CCDC148: variants seen among roughly 807,000 people sequenced by gnomAD.
CCDC148 encodes coiled-coil domain-containing protein 148.
In CCDC148, 89 loss-of-function variants were observed where a neutral mutation model predicts 85.7. The observed-to-expected ratio is 1.04, with a 90% CI of 0.87 to 1.24. The LOEUF (loss-of-function observed/expected upper bound fraction) is 1.24. CCDC148 is among the 50% of genes most tolerant of loss of function. The probability of loss-of-function intolerance (pLI) is 0.00; values close to 1 mark genes in which losing one functional copy is unlikely to be tolerated. For missense variants in CCDC148, 692 were observed against 671.7 expected, an observed-to-expected ratio of 1.03 and a Z score of -0.33; for synonymous variants, 230 against 213.9, an observed-to-expected ratio of 1.08 and a Z score of -0.66.
At chr2:158,250,959 GTTAT>G (rs1021991015) in intron 9 of CCDC148, 47 bp from the exon 10 acceptor site, 2 of 1,537,464 alleles carry the variant, frequency 1.3e-6, no homozygotes, top group African/African-American at 2.8e-5. Context: ...GCACACTGAA[GTTAT>G]TTCATAGGTC....
intron 1 of CCDC148, among the ~76,000 whole-genome samples, chr2:158,375,151 A>G (rs189471550): frequency 2.1e-4 from 32 of 152,118 alleles, no homozygotes; most frequent in African/African-American, 7.5e-4. Flanking sequence ...ACTGGTGAGA[A>G]CCCCAGAGTC....
chr2:158,300,661 A>AG (rs1422382085), intron 9 of CCDC148, among the ~76,000 whole-genome samples: 1 of 152,210 alleles, frequency 6.6e-6, no homozygotes, highest in Non-Finnish European at 1.5e-5. Context: ...GCAGTGGCAG[A>AG]GGTAGAGTGA....
intron 1 of CCDC148, among the ~76,000 whole-genome samples, chr2:158,401,521 A>T (rs111938722): frequency 0.031 from 4,789 of 152,116 alleles, 109 homozygotes; most frequent in African/African-American, 0.059. Context: ...AGGGAGGGGA[A>T]CATCACACAC....
chr2:158,398,183 C>T (rs1261332644), intron 1 of CCDC148, among the ~76,000 whole-genome samples: 1 of 152,074 alleles, frequency 6.6e-6, no homozygotes, highest in African/African-American at 2.4e-5. Context: ...TAATGGGAGA[C>T]TTTAACACCC....
chr2:158,381,012 T>C (rs1166819798), intron 1 of CCDC148: 1 of 152,156 alleles, frequency 6.6e-6, no homozygotes, highest in Non-Finnish European at 1.5e-5. Context: ...AAAATGAGCA[T>C]TTTGGAAGAA....
At chr2:158,433,265 T>TATATATATATACAC (rs1243610866) in intron 1 of CCDC148, among the ~76,000 whole-genome samples, 1 of 123,692 alleles carries the variant, frequency 8.1e-6, no homozygotes, top group African/African-American at 2.7e-5. Flanking sequence ...GACTCAAATA[T>TATATATATATACAC]ATATATATAT....
chr2:158,219,271 GCT>G (rs1314428554), intron 11 of CCDC148, among the ~76,000 whole-genome samples: 1 of 152,166 alleles, frequency 6.6e-6, no homozygotes, highest in Admixed American at 6.5e-5. Context: ...TGAAATGAGA[GCT>G]CTCTCTTCTT....
rs879860248 is a variant in CCDC148 at position 158,370,857 on chromosome 2, T to TAA, written c.26-12289_26-12288dup. Among the ~76,000 whole-genome samples the TAA allele has an allele frequency of 1.4e-3, 190 of 135,180 alleles. 1 individual carries two copies. Among genetic ancestry groups the TAA allele is most frequent in the African/African-American group, 4.9e-3 (182 of 37,088 alleles). 88.7% of individuals were successfully genotyped at this position (135,180 alleles called of 152,430 possible). ...TAAGAAGTTTGTAGGACATAGACTGTAAAAAAAAAAAACTACCAAAGTTGA... is the reference window on the plus strand; with the variant it reads ...TAAGAAGTTTGTAGGACATAGACTGTAAAAAAAAAAAAAACTACCAAAGTTGA... On this transcript the variant is annotated intron_variant, in intron 1 of 13. Transcript: ENST00000283233.
intron 10 of CCDC148, among the ~76,000 whole-genome samples, chr2:158,246,844 G>A (rs530792508): frequency 3.9e-5 from 6 of 152,248 alleles, no homozygotes; most frequent in East Asian, 1.9e-4. Flanking sequence ...CTAGGCTCAC[G>A]GCATAGTGTC....
intron 8 of CCDC148, 133 bp downstream of exon 8, chr2:158,313,623 A>T: frequency 1.0e-6 from 1 of 955,348 alleles, no homozygotes; most frequent in Non-Finnish European, 1.5e-6. Flanking sequence ...CTATTATATA[A>T]CCCTATTATT....
chr2:158,229,429 A>G (rs937896263), intron 10 of CCDC148, among the ~76,000 whole-genome samples: 2 of 152,254 alleles, frequency 1.3e-5, no homozygotes, highest in Non-Finnish European at 2.9e-5. Context: ...GATTGATGAC[A>G]TAATTGTAGG....
At chr2:158,196,336 T>C (rs186013023) in intron 11 of CCDC148, among the ~76,000 whole-genome samples, 1 of 152,246 alleles carries the variant, frequency 6.6e-6, no homozygotes, top group East Asian at 1.9e-4. Flanking sequence ...CCCATCTCTG[T>C]GTTCAGTAAT....
intron 1 of CCDC148, among the ~76,000 whole-genome samples, chr2:158,370,484 G>T (rs1368299627): frequency 6.6e-6 from 1 of 151,830 alleles, no homozygotes; most frequent in Non-Finnish European, 1.5e-5. Flanking sequence ...TACTGACTAG[G>T]TATGTGATCT....
intron 1 of CCDC148, among the ~76,000 whole-genome samples, chr2:158,408,151 C>A (rs1686104568): frequency 6.6e-6 from 1 of 152,042 alleles, no homozygotes; most frequent in Non-Finnish European, 1.5e-5. Flanking sequence ...AAAACTAAAT[C>A]TTTTGATATA....
Position 158,340,611 on chromosome 2 carries a change from G to A in CCDC148, c.321C>T (p.Asp107=), listed in dbSNP as rs778298693. Residue 107 remains aspartate (D), a synonymous_variant, in exon 4 of 14, where the codon GAC becomes GAT. Transcript: ENST00000283233. ...AAAAAATCTTACCAAAATTTGTAAG[G>A]TCACAAAGACATTCATTTCCAATGT... ...EENIGNECLC[D]LTNFEQELSE... 8.2e-6 allele frequency: 13 copies of A among 1,585,908 alleles called. No homozygotes were observed. In the South Asian group the frequency reaches 1.0e-4, roughly 13 times the overall value.
intron 9 of CCDC148, among the ~76,000 whole-genome samples, chr2:158,274,159 C>G (rs1435705176): frequency 6.6e-6 from 1 of 152,184 alleles, no homozygotes; most frequent in South Asian, 2.1e-4. Context: ...CAAGTTTAGG[C>G]TCTGGCTATT....
chr2:158,445,421 GA>G (rs988588746), intron 1 of CCDC148, among the ~76,000 whole-genome samples: 18 of 152,104 alleles, frequency 1.2e-4, no homozygotes, highest in African/African-American at 4.3e-4. Context: ...TTCTCAGTCT[GA>G]ATCACAATAA....
intron 1 of CCDC148, among the ~76,000 whole-genome samples, chr2:158,420,716 G>A (rs190256990): frequency 3.7e-4 from 57 of 152,236 alleles, no homozygotes; most frequent in Admixed American, 2.6e-3. Context: ...CATAATGACA[G>A]GATCAAATTT....
chr2:158,209,136 A>G (rs1270421869), intron 11 of CCDC148, among the ~76,000 whole-genome samples: 1 of 151,958 alleles, frequency 6.6e-6, no homozygotes, highest in Non-Finnish European at 1.5e-5. Flanking sequence ...ATTTTTACAC[A>G]TACATATTTT....
Sources: gnomAD v4.1 joint callset for allele counts (sites outside exome capture counted in the v4.1 genomes callset) on GRCh38, gnomAD v4.1.1 for gene constraint, MANE v1.5 for transcripts, NCBI Gene and HGNC (gene_info 2026-07-23, HGNC 2026-07-21) for gene names.